STXBP5L: variants seen among roughly 807,000 people sequenced by gnomAD.
STXBP5L encodes syntaxin-binding protein 5-like.
A neutral mutation model predicts 144.5 loss-of-function variants in STXBP5L; 65 were observed. The observed-to-expected ratio is 0.45, with a 90% confidence interval of 0.37 to 0.55. The LOEUF (loss-of-function observed/expected upper bound fraction) is 0.55, where lower values mean the gene tolerates loss of function less well. Ranked by LOEUF, STXBP5L falls within the 20% of genes least tolerant of loss-of-function variation. The pLI is 0.00. For missense variants in STXBP5L, 1,298 were observed against 1,405.5 expected (o/e 0.92, Z 1.22); for synonymous variants, 505 against 469.6 (o/e 1.08, Z -0.97).
At chr3:121,415,813 A>AT (rs1222228599) in intron 24 of STXBP5L, 44 bp from the exon 25 acceptor site, 1 of 1,380,758 alleles carries the variant, frequency 7.2e-7, no homozygotes, top group Non-Finnish European at 1.0e-6. Context: ...ATATTAATTG[A>AT]TTTTTTAGTT....
chr3:121,028,338 T>C (rs1946104318), intron 3 of STXBP5L, among the ~76,000 whole-genome samples: 1 of 152,100 alleles, frequency 6.6e-6, no homozygotes, highest in Non-Finnish European at 1.5e-5. Flanking sequence ...TAGTTGATAT[T>C]ATTAGTAATG....
intron 3 of STXBP5L, among the ~76,000 whole-genome samples, chr3:121,025,755 A>G (rs1264445217): frequency 1.3e-5 from 2 of 151,398 alleles, no homozygotes; most frequent in Non-Finnish European, 3.0e-5. Context: ...ATTTAGGAAT[A>G]AATTGCTTAA....
chr3:121,074,132 GT>G (rs1183115021), intron 5 of STXBP5L, among the ~76,000 whole-genome samples: 1 of 152,156 alleles, frequency 6.6e-6, no homozygotes, highest in Non-Finnish European at 1.5e-5. Flanking sequence ...TGATTGGGGG[GT>G]TTTTGAATCC....
At chr3:121,258,603 GAA>G (rs1469846775) in intron 17 of STXBP5L, among the ~76,000 whole-genome samples, 1 of 152,100 alleles carries the variant, frequency 6.6e-6, no homozygotes. Context: ...AAGTATGAGA[GAA>G]AGATATTAGT....
At chr3:121,283,218 C>T (rs954785953) in intron 19 of STXBP5L, among the ~76,000 whole-genome samples, 2 of 151,866 alleles carry the variant, frequency 1.3e-5, no homozygotes, top group Admixed American at 6.6e-5. Flanking sequence ...ACCTGAATTC[C>T]TTCAGACCTC....
intron 20 of STXBP5L, among the ~76,000 whole-genome samples, chr3:121,348,221 G>A (rs1015169850): frequency 1.3e-5 from 2 of 152,092 alleles, no homozygotes; most frequent in Admixed American, 6.6e-5. Flanking sequence ...TAATCATGTG[G>A]TTTTTGTCGT....
intron 11 of STXBP5L, among the ~76,000 whole-genome samples, chr3:121,233,215 C>T (rs572813848): frequency 1.3e-5 from 2 of 151,932 alleles, no homozygotes; most frequent in Admixed American, 1.3e-4. Flanking sequence ...ATGTCATATC[C>T]CAGAGAAGCA....
chr3:121,324,693 A>G (rs765953956), intron 20 of STXBP5L: 2 of 564,374 alleles, frequency 3.5e-6, no homozygotes, highest in Non-Finnish European at 6.2e-6. Context: ...TTGTGGTGGA[A>G]ACACAAGTCC....
intron 15 of STXBP5L, among the ~76,000 whole-genome samples, chr3:121,254,641 G>A (rs1339656168): frequency 6.6e-6 from 1 of 152,108 alleles, no homozygotes; most frequent in Non-Finnish European, 1.5e-5. Flanking sequence ...TTCTGAGAAT[G>A]ACACAAGAAA....
chr3:121,072,232 A>G (rs1414508986), intron 5 of STXBP5L, among the ~76,000 whole-genome samples: 1 of 152,224 alleles, frequency 6.6e-6, no homozygotes, highest in Non-Finnish European at 1.5e-5. Context: ...GAAAGTGCAG[A>G]CAAACACTAG....
chr3:121,404,237 C>T (rs531630003), intron 22 of STXBP5L, among the ~76,000 whole-genome samples: 15 of 152,134 alleles, frequency 9.9e-5, no homozygotes, highest in African/African-American at 3.4e-4. Flanking sequence ...CCCTTGACCC[C>T]CATATTTCTT....
chr3:121,284,906 TTG>T (rs1327396746), intron 19 of STXBP5L, among the ~76,000 whole-genome samples: 1 of 152,128 alleles, frequency 6.6e-6, no homozygotes, highest in Non-Finnish European at 1.5e-5. Context: ...ATGATTGATA[TTG>T]TATATTATGA....
intron 3 of STXBP5L, among the ~76,000 whole-genome samples, chr3:120,967,096 CCACT>C (rs1265975994): frequency 3.3e-5 from 5 of 152,024 alleles, no homozygotes; most frequent in Non-Finnish European, 7.4e-5. Context: ...GGTGTGGGAC[CCACT>C]GAGCCAGGCA....
chr3:121,124,458 T>A (rs1222930794), intron 7 of STXBP5L, among the ~76,000 whole-genome samples: 3 of 152,002 alleles, frequency 2.0e-5, no homozygotes. Context: ...TTCATTTGTT[T>A]TGCTATATAA....
intron 2 of STXBP5L, among the ~76,000 whole-genome samples, chr3:120,930,741 C>T (rs976311736): frequency 6.5e-4 from 99 of 152,152 alleles, no homozygotes; most frequent in Non-Finnish European, 2.4e-4. Flanking sequence ...CTGCTTCCCT[C>T]TTCCACTGAA....
chr3:120,998,032 TC>T (rs1427235706), intron 3 of STXBP5L, among the ~76,000 whole-genome samples: 1 of 152,098 alleles, frequency 6.6e-6, no homozygotes, highest in Non-Finnish European at 1.5e-5. Context: ...CAATTCAAGA[TC>T]CCTTCATGTT....
intron 7 of STXBP5L, among the ~76,000 whole-genome samples, chr3:121,127,165 A>G (rs1205623450): frequency 6.7e-6 from 1 of 148,592 alleles, no homozygotes; most frequent in African/African-American, 2.6e-5. Context: ...TACCTCATGT[A>G]GCTCTAGGGA....
intron 9 of STXBP5L, among the ~76,000 whole-genome samples, chr3:121,175,215 C>A (rs1256047565): frequency 6.6e-6 from 1 of 152,056 alleles, no homozygotes; most frequent in Non-Finnish European, 1.5e-5. Flanking sequence ...CTGAGAAAAA[C>A]CCTCTGGCAA....
intron 18 of STXBP5L, among the ~76,000 whole-genome samples, 159 bp downstream of exon 18, chr3:121,259,327 GT>G (rs1388971173): frequency 6.6e-6 from 1 of 151,972 alleles, no homozygotes; most frequent in Non-Finnish European, 1.5e-5. Flanking sequence ...TTACATTATG[GT>G]TTTTTGTTCT....
Sources: allele counts gnomAD v4.1 joint callset (sites outside exome capture counted in the v4.1 genomes callset), GRCh38; gene constraint gnomAD v4.1.1; transcripts MANE v1.5; gene names NCBI Gene and HGNC (gene_info 2026-07-23, HGNC 2026-07-21).